ZDHHC14: variants seen among roughly 807,000 people sequenced by gnomAD.
The protein encoded by ZDHHC14 is zDHHC palmitoyltransferase 14, also known as palmitoyltransferase ZDHHC14.
ZDHHC14 carries 16 observed loss-of-function variants against 47.7 expected under a neutral mutation model. The observed-to-expected ratio is 0.34, with a 90% CI of 0.23 to 0.51. ZDHHC14 has a LOEUF of 0.51. Among genes scored for constraint, ZDHHC14 ranks in the 20% least tolerant of loss-of-function variants. The probability of loss-of-function intolerance (pLI) is 0.97; values close to 1 mark genes in which losing one functional copy is unlikely to be tolerated. For synonymous variants in ZDHHC14, 293 were observed against 278.9 expected (o/e 1.05, Z -0.50); for missense variants, 515 against 662.5 (o/e 0.78, Z 2.44).
chr6:157,517,673 G>T (rs1318254073), intron 1 of ZDHHC14, among the ~76,000 whole-genome samples: 9 of 152,076 alleles, frequency 5.9e-5, no homozygotes, highest in Admixed American at 3.9e-4. Flanking sequence ...ATCCCAAACC[G>T]GCGACTCCTG....
chr6:157,592,682 G>T, intron 2 of ZDHHC14: 2 of 1,060,656 alleles, frequency 1.9e-6, no homozygotes, highest in Non-Finnish European at 2.3e-6. Flanking sequence ...GCCGCCTACA[G>T]GGAGGGGAGG....
At chr6:157,396,702 A>G (rs180857893) in intron 1 of ZDHHC14, among the ~76,000 whole-genome samples, 1 of 152,204 alleles carries the variant, frequency 6.6e-6, no homozygotes, top group African/African-American at 2.4e-5. Flanking sequence ...CTATAAGCAA[A>G]TTTTGCACAG....
At chr6:157,522,763 C>T in intron 1 of ZDHHC14, among the ~76,000 whole-genome samples, 1 of 109,246 alleles carries the variant, frequency 9.2e-6, no homozygotes, top group Non-Finnish European at 1.8e-5. Context: ...CTCCCTCCCT[C>T]CCTTCTTTCC....
intron 1 of ZDHHC14, among the ~76,000 whole-genome samples, chr6:157,435,018 G>C (rs1175553484): frequency 6.6e-6 from 1 of 152,222 alleles, no homozygotes; most frequent in Admixed American, 6.5e-5. Context: ...AAGACATAAT[G>C]CAGATTATTC....
intron 2 of ZDHHC14, among the ~76,000 whole-genome samples, chr6:157,574,569 A>T (rs1243143154): frequency 6.6e-6 from 1 of 151,862 alleles, no homozygotes; most frequent in African/African-American, 2.4e-5. Flanking sequence ...CACTCCCCTC[A>T]CCCAGCACCA....
chr6:157,601,671 C>T (rs948249319), intron 3 of ZDHHC14, among the ~76,000 whole-genome samples: 1 of 152,058 alleles, frequency 6.6e-6, no homozygotes, highest in African/African-American at 2.4e-5. Context: ...ACATTTCAAA[C>T]CTAGAACGAT....
chr6:157,489,932 C>T (rs918092518), intron 1 of ZDHHC14, among the ~76,000 whole-genome samples: 3 of 152,010 alleles, frequency 2.0e-5, no homozygotes, highest in Non-Finnish European at 2.9e-5. Context: ...GGAAGAGTGG[C>T]AGAAGGAGAC....
chr6:157,467,851 C>T (rs1414286654), intron 1 of ZDHHC14, among the ~76,000 whole-genome samples: 1 of 151,988 alleles, frequency 6.6e-6, no homozygotes, highest in Non-Finnish European at 1.5e-5. Flanking sequence ...CTCATTATGG[C>T]GGTATAATAT....
At chr6:157,666,069 G>A (rs1271688456) in intron 8 of ZDHHC14, among the ~76,000 whole-genome samples, 1 of 152,170 alleles carries the variant, frequency 6.6e-6, no homozygotes, top group Non-Finnish European at 1.5e-5. Flanking sequence ...GTATATGCAT[G>A]ACATACTCAC....
rs71027335 is a variant in ZDHHC14 at position 157,416,972 on chromosome 6, G to GTTTTTTTTTTT, written c.245+34725_245+34735dup. ...AGGTGCCCGCCACCATGCCTGGCTA[G>GTTTTTTTTTTT]TTTTTTTTTTTTTTTTTTTTTTTTT... On this transcript the variant is annotated intron_variant, in intron 1 of 8. Transcript: ENST00000359775. Among the ~76,000 whole-genome samples the GTTTTTTTTTTT allele has an allele frequency of 9.6e-3, 439 of 45,552 alleles. 14 individuals are homozygous for GTTTTTTTTTTT. The highest frequency in any genetic ancestry group is 0.036 in the Middle Eastern group (2 of 56). The allele number at this position is 45,552 out of a possible 152,430, so 29.9% of individuals were successfully genotyped here.
At chr6:157,518,958 G>T (rs1206870708) in intron 1 of ZDHHC14, among the ~76,000 whole-genome samples, 2 of 152,208 alleles carry the variant, frequency 1.3e-5, no homozygotes, top group Non-Finnish European at 2.9e-5. Flanking sequence ...GCTGTTCATG[G>T]TGAGGACTGG....
chr6:157,601,179 C>T lies in ZDHHC14; in HGVS notation c.565+8033C>T, dbSNP rs532683357. On this transcript the variant is annotated intron_variant, in intron 3 of 8. Coordinates refer to ENST00000359775, the MANE Select transcript of ZDHHC14 (RefSeq NM_024630.3). ...TTTGCTATATAAAACTATTGCTATA[C>T]GATTAAAAACTAATACAGAAGAATA... is the stretch of plus-strand genomic sequence containing the variant. Among the ~76,000 whole-genome samples, 83 of 152,132 alleles carry T rather than the reference C, an allele frequency of 5.5e-4. 2 individuals are homozygous for T. The highest frequency in any genetic ancestry group is 7.2e-4 in the Admixed American group (11 of 15,300).
intron 2 of ZDHHC14, among the ~76,000 whole-genome samples, chr6:157,585,622 C>T (rs1275105058): frequency 2.6e-5 from 4 of 152,214 alleles, no homozygotes; most frequent in Non-Finnish European, 5.9e-5. Context: ...CCCTGGGTTT[C>T]AAGCCCCCTT....
intron 1 of ZDHHC14, among the ~76,000 whole-genome samples, chr6:157,512,041 G>A (rs9456416): frequency 0.065 from 9,931 of 152,262 alleles, 1,152 homozygotes; most frequent in African/African-American, 0.23. Flanking sequence ...AGGTCATAAA[G>A]AGCCTACCTG....
chr6:157,526,943 C>T (rs946040024), intron 1 of ZDHHC14, among the ~76,000 whole-genome samples: 2 of 152,076 alleles, frequency 1.3e-5, no homozygotes, highest in Admixed American at 1.3e-4. Context: ...GGATGGTGGC[C>T]GGGAGCACTG....
chr6:157,425,045 G>T (rs1306359707), intron 1 of ZDHHC14, among the ~76,000 whole-genome samples: 1 of 152,052 alleles, frequency 6.6e-6, no homozygotes, highest in Non-Finnish European at 1.5e-5. Context: ...TTTTTATTGG[G>T]GTTGCATTAT....
At chr6:157,493,638 A>G (rs1779983031) in intron 1 of ZDHHC14, among the ~76,000 whole-genome samples, 1 of 152,266 alleles carries the variant, frequency 6.6e-6, no homozygotes, top group African/African-American at 2.4e-5. Context: ...GGACACCATC[A>G]GGATGGGTGC....
chr6:157,402,199 A>G (rs1777655523), intron 1 of ZDHHC14, among the ~76,000 whole-genome samples: 1 of 150,884 alleles, frequency 6.6e-6, no homozygotes, highest in African/African-American at 2.4e-5. Flanking sequence ...TGCAGAAGTG[A>G]GATGCGCATC....
chr6:157,607,698 T>C (rs1365790184), intron 3 of ZDHHC14, among the ~76,000 whole-genome samples: 1 of 152,166 alleles, frequency 6.6e-6, no homozygotes, highest in East Asian at 1.9e-4. Context: ...TTGGAGAGCC[T>C]TTGTTCCCTC....
Sources: gnomAD v4.1 joint callset for allele counts (sites outside exome capture counted in the v4.1 genomes callset) on GRCh38, gnomAD v4.1.1 for gene constraint, MANE v1.5 for transcripts, NCBI Gene and HGNC (gene_info 2026-07-23, HGNC 2026-07-21) for gene names.